The following ATP11A variants were observed in gnomAD, a reference collection of about 807,000 sequenced individuals.
ATP11A encodes the protein ATPase phospholipid transporting 11A, also known as phospholipid-transporting ATPase IH.
In ATP11A, 81 loss-of-function variants were observed where a neutral mutation model predicts 154.4. That is an observed-to-expected ratio of 0.52 (90% CI 0.44 to 0.63). The LOEUF (loss-of-function observed/expected upper bound fraction) is 0.63, where lower values mean the gene tolerates loss of function less well. Ranked by LOEUF, ATP11A falls within the 30% of genes least tolerant of loss-of-function variation. The probability of loss-of-function intolerance (pLI) is 0.00; values close to 1 mark genes in which losing one functional copy is unlikely to be tolerated. For missense variants in ATP11A, 1,316 were observed against 1,474.3 expected, an observed-to-expected ratio of 0.89 and a Z score of 1.76; for synonymous variants, 623 against 585.9, an observed-to-expected ratio of 1.06 and a Z score of -0.91.
At chr13:112,776,304 C>T (rs1303600841) in intron 1 of ATP11A, among the ~76,000 whole-genome samples, 8 of 152,194 alleles carry the variant, frequency 5.3e-5, no homozygotes, top group East Asian at 1.9e-4. Context: ...CTTCCATCCC[C>T]GGACTGGGCG....
chr13:112,789,260 G>GTGTAGA (rs2077760529), intron 2 of ATP11A, among the ~76,000 whole-genome samples: 1 of 147,912 alleles, frequency 6.8e-6, no homozygotes, highest in African/African-American at 2.6e-5. Flanking sequence ...GTGTCCTGAT[G>GTGTAGA]CGTAGACTCC....
At chr13:112,829,668 C>T (rs1048812789) in intron 12 of ATP11A, among the ~76,000 whole-genome samples, 5 of 152,204 alleles carry the variant, frequency 3.3e-5, no homozygotes, top group African/African-American at 4.8e-5. Flanking sequence ...TTCACCCCTT[C>T]TATTTAGCAT....
rs9577841 is a variant in ATP11A, at chr13:112,800,121, T to A, written c.163-4836T>A. ...TCTACAAGCTTCAACATTAGGAAAC[T>A]TAACAAAAAATTAATAATCAACATT... On this transcript the variant is annotated intron_variant, in intron 2 of 29. Transcript: ENST00000375645. 3.6e-4 allele frequency among the ~76,000 whole-genome samples: 54 copies of A among 151,640 alleles called. No individual in the cohort carries two copies. The East Asian group carries it at 9.9e-3, about 28-fold the overall frequency.
chr13:112,842,466 G>A (rs1421463049), intron 17 of ATP11A, 87 bp downstream of exon 17: 1 of 1,008,004 alleles, frequency 9.9e-7, no homozygotes, highest in Non-Finnish European at 1.5e-6. Flanking sequence ...TCCTGGCTGG[G>A]AATGGCGTAT....
Position 112,851,115 on chromosome 13 carries a change from G to T in ATP11A, c.1888G>T (p.Ala630Ser). ...EYEGICKLLQ[A>S]AKVALQDREK... Reference sequence around the variant, plus strand: ...TGAAGGCATTTGTAAGCTGCTGCAGGCTGCCAAAGTGGCCCTTCAAGATCG... The same window carrying T: ...TGAAGGCATTTGTAAGCTGCTGCAGTCTGCCAAAGTGGCCCTTCAAGATCG... The change falls in exon 18 of 30, where the codon GCT (alanine) becomes TCT (serine). Residue 630 changes from alanine to serine, a missense_variant. By Grantham distance (99) the Ala-to-Ser change is moderately conservative (BLOSUM62 1). Coordinates refer to ENST00000375645, the MANE Select transcript of ATP11A (RefSeq NM_015205.3). 1 of 1,614,232 alleles carries T rather than the reference G, an allele frequency of 6.2e-7. No homozygotes were observed. The highest frequency in any genetic ancestry group is 8.5e-7 in the Non-Finnish European group (1 of 1,180,040).
chr13:112,759,007 A>G (rs1293187634), intron 1 of ATP11A, among the ~76,000 whole-genome samples: 1 of 152,258 alleles, frequency 6.6e-6, no homozygotes, highest in African/African-American at 2.4e-5. Flanking sequence ...TAAAAAGTTG[A>G]GTAACATTTA....
At chr13:112,766,425 C>T (rs1410040408) in intron 1 of ATP11A, among the ~76,000 whole-genome samples, 2 of 152,188 alleles carry the variant, frequency 1.3e-5, no homozygotes, top group Admixed American at 6.5e-5. Context: ...AAGCCCCTCA[C>T]CCAGAGGCTG....
At chr13:112,848,127 C>T (rs1478161035) in intron 17 of ATP11A, among the ~76,000 whole-genome samples, 4 of 152,160 alleles carry the variant, frequency 2.6e-5, no homozygotes, top group Non-Finnish European at 5.9e-5. Flanking sequence ...AGGGAAGAGC[C>T]ATTGGGATGT....
chr13:112,870,636 C>A (rs548106158), intron 25 of ATP11A, among the ~76,000 whole-genome samples: 1 of 152,350 alleles, frequency 6.6e-6, no homozygotes, highest in Non-Finnish European at 1.5e-5. Flanking sequence ...CTCGGCCTCC[C>A]AAAGCGCTGG....
chr13:112,745,221 C>T (rs1185343717), intron 1 of ATP11A, among the ~76,000 whole-genome samples: 3 of 152,166 alleles, frequency 2.0e-5, no homozygotes, highest in East Asian at 1.9e-4. Context: ...CCCGCTACCA[C>T]GCCTGGCTAA....
chr13:112,832,759 A>AC lies in ATP11A; in HGVS notation c.1396-93dup, dbSNP rs3215888. ...ACAAGCTGCCTTCGTGGCCGCGGGG[A>AC]CCCCCCCCACCCCGCTTCTTGTTAT... On this transcript the variant is annotated intron_variant, in intron 13 of 29. Coordinates refer to ENST00000375645, the MANE Select transcript of ATP11A (RefSeq NM_015205.3). 9,078 of 1,414,540 alleles carry AC rather than the reference A, an allele frequency of 6.4e-3. 35 individuals carry two copies. The highest frequency in any genetic ancestry group is 0.014 in the East Asian group (590 of 42,794). The allele number at this position is 1,414,540 out of a possible 1,614,324, so 87.6% of individuals were successfully genotyped here. A position where few individuals can be genotyped will look rare whatever the true frequency, so the allele number is the denominator to read the frequency against.
In ATP11A at chr13:112,708,142, A is replaced by G. The variant is rs552551515; in HGVS notation, c.39+17687A>G. 2.2e-3 allele frequency among the ~76,000 whole-genome samples: 137 copies of G among 62,840 alleles called. 1 individual carries two copies. Among genetic ancestry groups the G allele is most frequent in the East Asian group, 9.5e-4 (2 of 2,116 alleles). The allele number at this position is 62,840 out of a possible 152,430, so 41.2% of individuals were successfully genotyped here. A position where few individuals can be genotyped will look rare whatever the true frequency, so the allele number is the denominator to read the frequency against. On this transcript the variant is annotated intron_variant, in intron 1 of 29. Transcript: ENST00000375645. ...CCTCTCACCAACCAGCTACCACTTC[A>G]AGCATCTCGACAACTTTTACAGGGA...
At chr13:112,743,006 G>C (rs1267811154) in intron 1 of ATP11A, among the ~76,000 whole-genome samples, 1 of 152,198 alleles carries the variant, frequency 6.6e-6, no homozygotes, top group Non-Finnish European at 1.5e-5. Context: ...CTAAGCATCA[G>C]TAGCACAGTG....
chr13:112,860,273 CTT>C lies in ATP11A; in HGVS notation c.2728-12_2728-11del. On this transcript the variant is annotated splice_polypyrimidine_tract_variant and intron_variant, in intron 23 of 29. Transcript: ENST00000375645. Reference sequence around the variant, plus strand: ...TGCACTGAGGTGCCACTTCTTGTGACTTTCCTCTTACAGACTTTGTACGACAC... The same window carrying C: ...TGCACTGAGGTGCCACTTCTTGTGACTCCTCTTACAGACTTTGTACGACAC... The C allele has an allele frequency of 6.2e-7, 1 of 1,608,632 alleles. No individual in the cohort carries two copies.
At chr13:112,840,623 A>G (rs1272738620) in intron 16 of ATP11A, among the ~76,000 whole-genome samples, 2 of 150,508 alleles carry the variant, frequency 1.3e-5, no homozygotes, top group East Asian at 2.0e-4. Context: ...TGCTGCATGT[A>G]TTGGCAACAC....
chr13:112,726,043 C>A (rs538864397), intron 1 of ATP11A, among the ~76,000 whole-genome samples: 3 of 152,268 alleles, frequency 2.0e-5, no homozygotes, highest in Admixed American at 1.3e-4. Flanking sequence ...CTTCTGTAAA[C>A]GCAGCTGGTG....
At chr13:112,870,285 G>A (rs2080473019) in intron 25 of ATP11A, among the ~76,000 whole-genome samples, 1 of 152,206 alleles carries the variant, frequency 6.6e-6, no homozygotes, top group Non-Finnish European at 1.5e-5. Context: ...CCATGTGGGA[G>A]GACTGTAGCC....
At chr13:112,787,417 C>T (rs1421717776) in intron 2 of ATP11A, among the ~76,000 whole-genome samples, 2 of 133,874 alleles carry the variant, frequency 1.5e-5, no homozygotes, top group African/African-American at 7.4e-5. Flanking sequence ...GTGTAGACCC[C>T]TGTGGAGACC....
At chr13:112,791,556 C>A (rs907919292) in intron 2 of ATP11A, among the ~76,000 whole-genome samples, 1 of 152,208 alleles carries the variant, frequency 6.6e-6, no homozygotes, top group Non-Finnish European at 1.5e-5. Flanking sequence ...TTGCCCATGG[C>A]GGCTTTGGAG....
Sources: gnomAD v4.1 joint callset for allele counts (sites outside exome capture counted in the v4.1 genomes callset) on GRCh38, gnomAD v4.1.1 for gene constraint, MANE v1.5 for transcripts, NCBI Gene and HGNC (gene_info 2026-07-23, HGNC 2026-07-21) for gene names.